The following MEIS1 variants were observed in gnomAD, a reference collection of about 807,000 sequenced individuals.
The protein encoded by MEIS1 is Meis homeobox 1.
In MEIS1, 5 loss-of-function variants were observed where a neutral mutation model predicts 50.8. That is an observed-to-expected ratio of 0.10 (90% confidence interval 0.05 to 0.21). MEIS1 has a LOEUF of 0.21. Among genes scored for constraint, MEIS1 ranks in the 10% least tolerant of loss-of-function variants. The pLI, the probability that MEIS1 is intolerant of heterozygous loss-of-function variation, is 1.00. For missense variants in MEIS1, 318 were observed against 517.3 expected (o/e 0.61, Z 3.74); for synonymous variants, 176 against 179.3 (o/e 0.98, Z 0.15).
Position 66,464,291 on chromosome 2 carries a change from G to C in MEIS1, c.742+71G>C. The C allele has an allele frequency of 5.0e-6, 6 of 1,198,710 alleles. No homozygotes were observed. In the South Asian group the frequency reaches 7.8e-5, roughly 16 times the overall value. 74.3% of individuals were successfully genotyped at this position (1,198,710 alleles called of 1,614,324 possible). A position where few individuals can be genotyped will look rare whatever the true frequency, so the allele number is the denominator to read the frequency against. Reference sequence around the variant, plus strand: ...GATTGAAAAATCAGAAATGTCTAGTGAGTTACTAAGTATACAGTTTTTCCT... The same window carrying C: ...GATTGAAAAATCAGAAATGTCTAGTCAGTTACTAAGTATACAGTTTTTCCT... On this transcript the variant is annotated intron_variant, in intron 7 of 12. Transcript: ENST00000272369.
intron 7 of MEIS1, among the ~76,000 whole-genome samples, chr2:66,484,792 T>A (rs2103792872): frequency 6.6e-6 from 1 of 152,232 alleles, no homozygotes; most frequent in South Asian, 2.1e-4. Context: ...ACTCCTGACC[T>A]CTGGTGATCC....
intron 7 of MEIS1, among the ~76,000 whole-genome samples, chr2:66,468,744 G>C (rs62143993): frequency 0.1 from 15,575 of 152,236 alleles, 929 homozygotes; most frequent in South Asian, 0.25. Context: ...TGAACCTGGC[G>C]CTGTGCTCCG....
At chr2:66,470,576 C>T (rs1214308451) in intron 7 of MEIS1, among the ~76,000 whole-genome samples, 1 of 152,082 alleles carries the variant, frequency 6.6e-6, no homozygotes, top group African/African-American at 2.4e-5. Context: ...AGAAAAATAA[C>T]TTCATCATCT....
intron 6 of MEIS1, among the ~76,000 whole-genome samples, chr2:66,460,769 C>T (rs1027386310): frequency 6.6e-6 from 1 of 151,352 alleles, no homozygotes; most frequent in East Asian, 1.9e-4. Flanking sequence ...TGTTGTTGTT[C>T]TTGTTGTTTT....
chr2:66,480,859 G>A (rs184712874), intron 7 of MEIS1, among the ~76,000 whole-genome samples: 3 of 152,274 alleles, frequency 2.0e-5, no homozygotes, highest in African/African-American at 7.2e-5. Flanking sequence ...GTGAAGAATG[G>A]TGGAAATCTT....
At chr2:66,496,544 G>T (rs1673409288) in intron 7 of MEIS1, among the ~76,000 whole-genome samples, 1 of 152,154 alleles carries the variant, frequency 6.6e-6, no homozygotes. Context: ...TCCTGACGTG[G>T]AGCGATACTT....
intron 6 of MEIS1, among the ~76,000 whole-genome samples, chr2:66,456,790 T>C (rs760403592): frequency 2.6e-5 from 4 of 152,200 alleles, no homozygotes; most frequent in Non-Finnish European, 5.9e-5. Context: ...TTGGCCTCTC[T>C]GCCAAAGATG....
chr2:66,474,884 C>T (rs1024962443), intron 7 of MEIS1, among the ~76,000 whole-genome samples: 6 of 152,008 alleles, frequency 3.9e-5, no homozygotes, highest in African/African-American at 7.2e-5. Context: ...TATGACCTTA[C>T]GTAGCAAAGC....
intron 6 of MEIS1, 79 bp downstream of exon 6, chr2:66,443,127 C>T: frequency 7.0e-7 from 1 of 1,435,112 alleles, no homozygotes. Flanking sequence ...ACTACCACCT[C>T]CTTTTATTAT....
At chr2:66,503,109 G>T (rs896072586) in intron 7 of MEIS1, among the ~76,000 whole-genome samples, 2 of 152,100 alleles carry the variant, frequency 1.3e-5, no homozygotes, top group Non-Finnish European at 2.9e-5. Context: ...ATTTAATCAG[G>T]TGATTTGTTA....
At chr2:66,482,690 G>C (rs6705647) in intron 7 of MEIS1, among the ~76,000 whole-genome samples, 7,771 of 152,296 alleles carry the variant, frequency 0.051, 246 homozygotes, top group Middle Eastern at 0.11. Context: ...TGACAGAAAT[G>C]AGTAAGACCA....
chr2:66,496,050 G>C (rs377512321), intron 7 of MEIS1: 2 of 152,462 alleles, frequency 1.3e-5, no homozygotes, highest in African/African-American at 2.4e-5. Flanking sequence ...TTCAGTTCTG[G>C]GGAAAGAAAG....
At chr2:66,440,151 A>G (rs1671932327) in intron 3 of MEIS1, 167 bp downstream of exon 3, 1 of 681,720 alleles carries the variant, frequency 1.5e-6, no homozygotes, top group Admixed American at 3.0e-5. Flanking sequence ...TGTTACCTCC[A>G]ACCTCAGATT....
At chr2:66,464,080 A>C (rs773212711) in intron 6 of MEIS1, 29 bp from the exon 7 acceptor site, 1 of 1,522,230 alleles carries the variant, frequency 6.6e-7, no homozygotes, top group Admixed American at 1.9e-5. Flanking sequence ...GATGCCTCTT[A>C]TTTGGGTTTC....
Position 66,479,214 on chromosome 2 carries a change from T to C in MEIS1, c.742+14994T>C, listed in dbSNP as rs1052484321. Among the ~76,000 whole-genome samples the C allele has an allele frequency of 8.5e-5, 13 of 152,362 alleles. No individual in the cohort carries two copies. The East Asian group carries it at 1.9e-3, about 23-fold the overall frequency. ...GCAAGTACTTGTTGACCTTGACTTT[T>C]TTCCACAAGAGATTGGACTTGATGG... is the stretch of plus-strand genomic sequence containing the variant. On this transcript the variant is annotated intron_variant, in intron 7 of 12. Coordinates refer to ENST00000272369, the MANE Select transcript of MEIS1 (RefSeq NM_002398.3).
chr2:66,435,949 CT>C, intron 1 of MEIS1, 81 bp downstream of exon 1: 3 of 1,282,612 alleles, frequency 2.3e-6, no homozygotes, highest in Admixed American at 3.1e-5. Flanking sequence ...AAAAAGTTTC[CT>C]TTTTTTCTCT....
At chr2:66,462,511 G>A (rs771614408) in intron 6 of MEIS1, among the ~76,000 whole-genome samples, 13 of 152,132 alleles carry the variant, frequency 8.5e-5, no homozygotes, top group African/African-American at 1.4e-4. Flanking sequence ...CCTTTTACAT[G>A]TCGAGGCACC....
chr2:66,452,012 A>T (rs545511210), intron 6 of MEIS1, among the ~76,000 whole-genome samples: 2 of 151,870 alleles, frequency 1.3e-5, no homozygotes, highest in Non-Finnish European at 1.5e-5. Context: ...AAATCCAGCC[A>T]ATATATATAT....
intron 6 of MEIS1, among the ~76,000 whole-genome samples, chr2:66,445,477 A>T (rs1263355727): frequency 6.6e-6 from 1 of 152,180 alleles, no homozygotes; most frequent in East Asian, 1.9e-4. Context: ...CTGAACCCCT[A>T]GTGCGGCGTC....
Sources: allele counts gnomAD v4.1 joint callset (sites outside exome capture counted in the v4.1 genomes callset), GRCh38; gene constraint gnomAD v4.1.1; transcripts MANE v1.5; gene names NCBI Gene and HGNC (gene_info 2026-07-23, HGNC 2026-07-21).